Variants in MARCHF1 observed in about 807,000 individuals in gnomAD.
The protein encoded by MARCHF1 is membrane associated ring-CH-type finger 1, also known as E3 ubiquitin-protein ligase MARCHF1.
A neutral mutation model predicts 54.2 loss-of-function variants in MARCHF1; 40 were observed. The ratio of observed to expected loss-of-function variants is 0.74; its 90% CI spans 0.57 to 0.96. MARCHF1 has a LOEUF of 0.96. Among genes scored for constraint, MARCHF1 ranks in the 40% least tolerant of loss-of-function variants. MARCHF1 has a pLI of 0.00. For synonymous variants in MARCHF1, 236 were observed against 236.3 expected (o/e 1.00, Z 0.01); for missense variants, 586 against 656.5 (o/e 0.89, Z 1.17).
At position 163,526,812 on chromosome 4, in the gene MARCHF1, A is replaced by G. The variant is rs1414639234; in HGVS notation, c.*1936T>C. The G allele has an allele frequency of 1.3e-5, 2 of 151,906 alleles. No individual in the cohort carries two copies. The highest frequency in any genetic ancestry group is 4.8e-5 in the African/African-American group (2 of 41,410). 9.4% of individuals were successfully genotyped at this position (151,906 alleles called of 1,614,324 possible). A position where few individuals can be genotyped will look rare whatever the true frequency, so the allele number is the denominator to read the frequency against. ...CTGAATACCTTAACATTTTCCCCGC[A>G]TATATACATGACTACACACACGCCA... On this transcript the variant is annotated 3_prime_UTR_variant, in exon 10 of 10. Coordinates refer to ENST00000514618, the MANE Select transcript of MARCHF1 (RefSeq NM_001394959.1).
At chr4:164,370,947 G>C (rs775197720) in intron 1 of MARCHF1, among the ~76,000 whole-genome samples, 1 of 151,746 alleles carries the variant, frequency 6.6e-6, no homozygotes, top group African/African-American at 2.4e-5. Context: ...ATAAAAAGCA[G>C]ACTCTAATAT....
rs1263277493 is a variant in MARCHF1 at position 163,635,725 on chromosome 4, T to C, written c.163-22332A>G. On this transcript the variant is annotated intron_variant, in intron 5 of 9. Coordinates refer to ENST00000514618, the MANE Select transcript of MARCHF1 (RefSeq NM_001394959.1). The stretch of plus-strand genomic sequence containing the variant: ...TTCCAATCAATAGAAAAAGAGGGAA[T>C]CCTCCCTAACTCATTTCATGAGGCC... Among the ~76,000 whole-genome samples, 3 of 151,784 alleles carry C rather than the reference T, an allele frequency of 2.0e-5. No homozygotes were observed. The East Asian group carries it at 5.8e-4, about 29-fold the overall frequency.
chr4:164,251,658 T>C (rs552236567), intron 1 of MARCHF1, among the ~76,000 whole-genome samples: 1 of 152,304 alleles, frequency 6.6e-6, no homozygotes, highest in South Asian at 2.1e-4. Context: ...CTGCCTCCTT[T>C]ATAATTCACA....
intron 4 of MARCHF1, among the ~76,000 whole-genome samples, chr4:163,716,596 G>T (rs1172655494): frequency 1.3e-5 from 2 of 152,224 alleles, no homozygotes; most frequent in Non-Finnish European, 1.5e-5. Flanking sequence ...ACATACAGTG[G>T]TGTTTGTTAT....
chr4:163,950,978 A>G (rs547034228), intron 3 of MARCHF1, among the ~76,000 whole-genome samples: 33 of 152,336 alleles, frequency 2.2e-4, no homozygotes, highest in African/African-American at 7.9e-4. Flanking sequence ...TTGCAAAAGC[A>G]TGAAATGTCA....
intron 1 of MARCHF1, among the ~76,000 whole-genome samples, chr4:164,129,651 T>C (rs1032336664): frequency 1.1e-4 from 17 of 152,310 alleles, no homozygotes; most frequent in African/African-American, 4.1e-4. Flanking sequence ...ATTGCCTCAG[T>C]GTAGATTGTT....
At chr4:163,548,442 C>T (rs560155370) in intron 8 of MARCHF1, among the ~76,000 whole-genome samples, 123 of 152,258 alleles carry the variant, frequency 8.1e-4, no homozygotes, top group Admixed American at 2.4e-3. Flanking sequence ...AAAAGTAAGG[C>T]TCCTCAAATA....
intron 2 of MARCHF1, among the ~76,000 whole-genome samples, chr4:163,998,081 A>G (rs1032819502): frequency 1.3e-5 from 2 of 151,452 alleles, no homozygotes; most frequent in Admixed American, 1.3e-4. Flanking sequence ...ATTCAATAAA[A>G]AGGTGAGAGG....
intron 5 of MARCHF1, among the ~76,000 whole-genome samples, chr4:163,642,600 T>C (rs1174886930): frequency 6.6e-6 from 1 of 152,182 alleles, no homozygotes; most frequent in Non-Finnish European, 1.5e-5. Context: ...CTTACCATAA[T>C]GACTATTACA....
chr4:163,871,790 A>G (rs558927873), intron 3 of MARCHF1, among the ~76,000 whole-genome samples: 279 of 152,304 alleles, frequency 1.8e-3, no homozygotes, highest in African/African-American at 6.5e-3. Context: ...TATGAAGATT[A>G]AAATACACCT....
chr4:164,195,845 C>T (rs1731240492), intron 1 of MARCHF1, among the ~76,000 whole-genome samples: 1 of 151,908 alleles, frequency 6.6e-6, no homozygotes, highest in South Asian at 2.1e-4. Flanking sequence ...ATTCTATATG[C>T]TTTTATTTTT....
chr4:163,825,972 C>T (rs996683519), intron 4 of MARCHF1, among the ~76,000 whole-genome samples: 5 of 151,934 alleles, frequency 3.3e-5, no homozygotes, highest in African/African-American at 1.2e-4. Context: ...AGTAAATTGG[C>T]TATTGTCATA....
chr4:164,214,464 TA>T (rs146137763), intron 1 of MARCHF1, among the ~76,000 whole-genome samples: 20 of 151,186 alleles, frequency 1.3e-4, no homozygotes, highest in East Asian at 1.9e-4. Flanking sequence ...CCCATTATTC[TA>T]AAAAAAAACC....
At chr4:164,127,308 G>A (rs1756205555) in intron 1 of MARCHF1, among the ~76,000 whole-genome samples, 1 of 152,098 alleles carries the variant, frequency 6.6e-6, no homozygotes, top group South Asian at 2.1e-4. Flanking sequence ...CAAGAAGAGA[G>A]AAACAACTTA....
chr4:163,720,043 T>C (rs1235876894), intron 4 of MARCHF1, among the ~76,000 whole-genome samples: 1 of 152,236 alleles, frequency 6.6e-6, no homozygotes, highest in Non-Finnish European at 1.5e-5. Context: ...TAGATCCCAT[T>C]TGTCAATTTT....
At chr4:163,761,485 G>A (rs773375901) in intron 4 of MARCHF1, among the ~76,000 whole-genome samples, 13 of 150,418 alleles carry the variant, frequency 8.6e-5, no homozygotes, top group Admixed American at 2.7e-4. Flanking sequence ...CCTAGGTGTC[G>A]TAGAAGCTGA....
intron 1 of MARCHF1, among the ~76,000 whole-genome samples, chr4:164,113,090 T>G (rs1036041871): frequency 1.3e-5 from 2 of 151,914 alleles, no homozygotes; most frequent in African/African-American, 4.8e-5. Context: ...CCTGCAGTTT[T>G]GCTTATTTAA....
At chr4:163,621,536 C>A (rs1741696537) in intron 5 of MARCHF1, among the ~76,000 whole-genome samples, 1 of 152,036 alleles carries the variant, frequency 6.6e-6, no homozygotes, top group East Asian at 1.9e-4. Flanking sequence ...TTTGTGAAAG[C>A]TTGATTTTTT....
chr4:163,677,115 T>G (rs1743944629), intron 5 of MARCHF1, among the ~76,000 whole-genome samples: 2 of 152,080 alleles, frequency 1.3e-5, no homozygotes, highest in South Asian at 4.2e-4. Context: ...GAGAAATAGG[T>G]AGGTTAACAA....
Sources: allele counts gnomAD v4.1 joint callset (sites outside exome capture counted in the v4.1 genomes callset), GRCh38; gene constraint gnomAD v4.1.1; transcripts MANE v1.5; gene names NCBI Gene and HGNC (gene_info 2026-07-23, HGNC 2026-07-21).